Variants in RUNDC3B observed in about 807,000 individuals in gnomAD.
RUNDC3B encodes RUN domain-containing protein 3B.
RUNDC3B carries 33 observed loss-of-function variants against 58.4 expected under a neutral mutation model. The ratio of observed to expected loss-of-function variants is 0.56; its 90% CI spans 0.43 to 0.75. RUNDC3B has a LOEUF of 0.75. Ranked by LOEUF, RUNDC3B falls within the 30% of genes least tolerant of loss-of-function variation. The probability of loss-of-function intolerance (pLI) is 0.00; values close to 1 mark genes in which losing one functional copy is unlikely to be tolerated. For missense variants in RUNDC3B, 501 were observed against 535.7 expected, an observed-to-expected ratio of 0.94 and a Z score of 0.64; for synonymous variants, 193 against 195.2, an observed-to-expected ratio of 0.99 and a Z score of 0.10.
At chr7:87,775,793 TTGTAGCCTAGGAACAATAGGCTATACCA>T (rs1239470635) in intron 7 of RUNDC3B, among the ~76,000 whole-genome samples, 2 of 152,212 alleles carry the variant, frequency 1.3e-5, no homozygotes, top group Non-Finnish European at 1.5e-5. Context: ...CTGTACAGGT[TTGTAGCCTAGGAACAATAGGCTATACCA>T]TCTAGCCTAG....
At chr7:87,763,530 G>A (rs1205374453) in intron 6 of RUNDC3B, among the ~76,000 whole-genome samples, 1 of 151,646 alleles carries the variant, frequency 6.6e-6, no homozygotes. Flanking sequence ...TGCTGGATAT[G>A]TGTCCTTGTA....
intron 6 of RUNDC3B, among the ~76,000 whole-genome samples, chr7:87,758,545 A>T (rs1437408706): frequency 6.6e-6 from 1 of 152,206 alleles, no homozygotes; most frequent in Non-Finnish European, 1.5e-5. Context: ...GACAACACAC[A>T]GAGTGGGAGA....
At chr7:87,755,496 A>C (rs1833316627) in intron 6 of RUNDC3B, among the ~76,000 whole-genome samples, 1 of 152,172 alleles carries the variant, frequency 6.6e-6, no homozygotes, top group Admixed American at 6.5e-5. Flanking sequence ...TCCTCAACAA[A>C]ATACTGGCAA....
intron 1 of RUNDC3B, among the ~76,000 whole-genome samples, chr7:87,642,819 C>CT (rs1822588202): frequency 6.6e-6 from 1 of 152,112 alleles, no homozygotes; most frequent in Non-Finnish European, 1.5e-5. Flanking sequence ...TATTTCCATT[C>CT]TTAAGTGTCT....
chr7:87,676,677 C>T (rs1004344623), intron 2 of RUNDC3B, among the ~76,000 whole-genome samples: 38 of 140,486 alleles, frequency 2.7e-4, no homozygotes, highest in Admixed American at 7.6e-4. Flanking sequence ...GCACTCCAGC[C>T]TGGGCAACAG....
intron 6 of RUNDC3B, among the ~76,000 whole-genome samples, chr7:87,764,583 C>T (rs1056776615): frequency 6.6e-6 from 1 of 151,686 alleles, no homozygotes; most frequent in Non-Finnish European, 1.5e-5. Flanking sequence ...CTTTTAGAGT[C>T]CCTAGTGTTT....
intron 8 of RUNDC3B, among the ~76,000 whole-genome samples, chr7:87,803,394 G>A (rs1256194167): frequency 2.0e-5 from 3 of 152,106 alleles, no homozygotes; most frequent in Admixed American, 6.5e-5. Context: ...AAAAAATTGA[G>A]GATATATTTA....
At chr7:87,640,802 C>T (rs1822369678) in intron 1 of RUNDC3B, among the ~76,000 whole-genome samples, 1 of 152,010 alleles carries the variant, frequency 6.6e-6, no homozygotes, top group African/African-American at 2.4e-5. Context: ...ATGTCTTATG[C>T]TTTGTCTATT....
rs762077315 is a variant in RUNDC3B at position 87,829,963 on chromosome 7, T to C, written c.1304T>C (p.Leu435Ser). 1 of 1,609,386 alleles carries C rather than the reference T, an allele frequency of 6.2e-7. No individual in the cohort carries two copies. Among genetic ancestry groups the C allele is most frequent in the East Asian group, 2.2e-5 (1 of 44,636 alleles). ...SVASYKSLTSLKSNDYLASPT... is the reference protein window; with the variant it reads ...SVASYKSLTSSKSNDYLASPT... The stretch of plus-strand genomic sequence containing the variant: ...GCAAGTTACAAGTCTCTAACAAGCT[T>C]AAAATCTAATGACTACCTTGCAAGT... Residue 435 changes from leucine (L) to serine (S), a missense_variant, in exon 11 of 11, where the codon TTA becomes TCA. Coordinates refer to ENST00000394654, the MANE Select transcript of RUNDC3B (RefSeq NM_001134405.2).
At chr7:87,673,292 G>C (rs751557970) in intron 2 of RUNDC3B, among the ~76,000 whole-genome samples, 2 of 152,144 alleles carry the variant, frequency 1.3e-5, no homozygotes, top group African/African-American at 2.4e-5. Flanking sequence ...CATTTTCATG[G>C]TTGTTATCCT....
chr7:87,775,944 A>G (rs1416516562), intron 7 of RUNDC3B, among the ~76,000 whole-genome samples: 1 of 152,198 alleles, frequency 6.6e-6, no homozygotes, highest in Non-Finnish European at 1.5e-5. Context: ...CCCATCATTA[A>G]GTGGCACACA....
chr7:87,763,607 A>G (rs1175574850), intron 6 of RUNDC3B, among the ~76,000 whole-genome samples: 1 of 151,568 alleles, frequency 6.6e-6, no homozygotes, highest in Non-Finnish European at 1.5e-5. Context: ...TCTATCTTCC[A>G]TTTTACAAGT....
chr7:87,817,642 T>C (rs1376287312), intron 10 of RUNDC3B, among the ~76,000 whole-genome samples: 1 of 152,238 alleles, frequency 6.6e-6, no homozygotes, highest in African/African-American at 2.4e-5. Flanking sequence ...AATGTCATCT[T>C]TCTAAAGAAG....
intron 8 of RUNDC3B, among the ~76,000 whole-genome samples, chr7:87,786,675 A>G (rs1017973296): frequency 3.9e-5 from 6 of 152,204 alleles, no homozygotes; most frequent in African/African-American, 1.4e-4. Context: ...TTAACATAAA[A>G]TAATTATGAA....
chr7:87,747,345 C>T (rs1414588538), intron 6 of RUNDC3B, among the ~76,000 whole-genome samples: 1 of 152,092 alleles, frequency 6.6e-6, no homozygotes, highest in Non-Finnish European at 1.5e-5. Flanking sequence ...GGTCTCTCAG[C>T]CGTGGATACC....
At chr7:87,686,867 C>T (rs1827514848) in intron 2 of RUNDC3B, among the ~76,000 whole-genome samples, 1 of 150,870 alleles carries the variant, frequency 6.6e-6, no homozygotes, top group Non-Finnish European at 1.5e-5. Context: ...GTCACCTGAG[C>T]CCAAGGAGAC....
chr7:87,678,831 G>A (rs541219598), intron 2 of RUNDC3B, among the ~76,000 whole-genome samples: 1 of 152,222 alleles, frequency 6.6e-6, no homozygotes, highest in South Asian at 2.1e-4. Flanking sequence ...CAGGGATAAA[G>A]TTGGACATTT....
chr7:87,707,861 C>A (rs1330221804), intron 3 of RUNDC3B, among the ~76,000 whole-genome samples: 1 of 151,522 alleles, frequency 6.6e-6, no homozygotes, highest in African/African-American at 2.4e-5. Context: ...AAGCTAGAAT[C>A]AAAAATATGG....
intron 9 of RUNDC3B, among the ~76,000 whole-genome samples, chr7:87,810,477 AAGTT>A (rs1420696085): frequency 6.6e-6 from 1 of 152,184 alleles, no homozygotes; most frequent in Non-Finnish European, 1.5e-5. Context: ...TTTGTTTACT[AAGTT>A]AGGTAGCAGT....
Sources: gnomAD v4.1 joint callset for allele counts (sites outside exome capture counted in the v4.1 genomes callset) on GRCh38, gnomAD v4.1.1 for gene constraint, MANE v1.5 for transcripts, NCBI Gene and HGNC (gene_info 2026-07-23, HGNC 2026-07-21) for gene names.